Variants in GPHN observed in about 807,000 individuals in gnomAD.
GPHN encodes the protein gephyrin.
A neutral mutation model predicts 95.5 loss-of-function variants in GPHN; 17 were observed. That is an observed-to-expected ratio of 0.18 (90% CI 0.12 to 0.27). The LOEUF is 0.27. Ranked by LOEUF, GPHN falls within the 10% of genes least tolerant of loss-of-function variation. The pLI, the probability that GPHN is intolerant of heterozygous loss-of-function variation, is 1.00. For synonymous variants in GPHN, 320 were observed against 322.5 expected (o/e 0.99, Z 0.08); for missense variants, 660 against 978.1 (o/e 0.67, Z 4.34).
At chr14:67,642,082 GATT>G in the GPHN span, 1 of 1,116,968 alleles carries the variant, frequency 9.0e-7, no homozygotes, top group Non-Finnish European at 1.3e-6. Flanking sequence ...GTGACAAAAT[GATT>G]ATGATGTGTA....
chr14:66,728,450 G>A (rs6573716), intron 2 of GPHN, among the ~76,000 whole-genome samples: 47,269 of 152,076 alleles, frequency 0.31, 11,161 homozygotes, highest in African/African-American at 0.63. Flanking sequence ...CCAGCCCATG[G>A]CAGCAGCCAG....
At chr14:67,128,623 G>A (rs1045533610) in intron 17 of GPHN, among the ~76,000 whole-genome samples, 2 of 151,996 alleles carry the variant, frequency 1.3e-5, no homozygotes, top group Admixed American at 6.6e-5. Flanking sequence ...TGCATATGGG[G>A]TAGAAGTTAG....
the GPHN span, among the ~76,000 whole-genome samples, chr14:67,539,909 A>G: frequency 6.6e-6 from 1 of 152,252 alleles, no homozygotes; most frequent in Non-Finnish European, 1.5e-5. Flanking sequence ...CTCAATAAGC[A>G]ATAGCTACTT....
intron 5 of GPHN, among the ~76,000 whole-genome samples, chr14:66,888,022 A>G (rs2064288614): frequency 6.6e-6 from 1 of 152,318 alleles, no homozygotes; most frequent in East Asian, 1.9e-4. Flanking sequence ...ACTCTTGAGC[A>G]TGAGGATCTC....
At chr14:67,359,834 C>G in the GPHN span, 2 of 932,448 alleles carry the variant, frequency 2.1e-6, no homozygotes, top group East Asian at 2.6e-5. Context: ...TGCTAAGAGG[C>G]AGCAGGGACA....
chr14:66,837,450 G>T (rs1468884042), intron 4 of GPHN, among the ~76,000 whole-genome samples: 5 of 76,364 alleles, frequency 6.5e-5, no homozygotes, highest in South Asian at 1.2e-3. Flanking sequence ...GTTGTGGGGT[G>T]GGGGGAGGGG....
At chr14:67,204,523 G>A in the GPHN span, 1 of 1,609,026 alleles carries the variant, frequency 6.2e-7, no homozygotes, top group Non-Finnish European at 8.5e-7. Flanking sequence ...ATGTTACCGT[G>A]TGCTTGTTTG....
chr14:67,527,522 A>G, the GPHN span, among the ~76,000 whole-genome samples: 1 of 152,146 alleles, frequency 6.6e-6, no homozygotes, highest in Admixed American at 6.5e-5. Flanking sequence ...AAATGTTTCG[A>G]TTTTTAATTA....
At chr14:67,042,171 T>C (rs546335269) in intron 10 of GPHN, among the ~76,000 whole-genome samples, 1 of 152,252 alleles carries the variant, frequency 6.6e-6, no homozygotes, top group East Asian at 1.9e-4. Flanking sequence ...GGTTGCCTGT[T>C]CACTCTTTTT....
At chr14:66,708,830 C>G (rs188863950) in intron 2 of GPHN, among the ~76,000 whole-genome samples, 1 of 152,146 alleles carries the variant, frequency 6.6e-6, no homozygotes, top group African/African-American at 2.4e-5. Context: ...ACTAAACTTG[C>G]ATTTAGCAGC....
chr14:67,234,944 T>C, the GPHN span, among the ~76,000 whole-genome samples: 1 of 146,234 alleles, frequency 6.8e-6, no homozygotes, highest in Non-Finnish European at 1.5e-5. Context: ...TCACCTGAGG[T>C]CAGGAGCTGG....
rs1003673481 is a variant in GPHN at position 66,508,491 on chromosome 14, C to G, written c.-37C>G. 2 of 1,607,046 alleles carry G rather than the reference C, an allele frequency of 1.2e-6. No homozygotes were observed. Among genetic ancestry groups the G allele is most frequent in the African/African-American group, 2.7e-5 (2 of 74,802 alleles). The stretch of plus-strand genomic sequence containing the variant: ...CCGCGCGCTCCGGGCTCCGGTTTCT[C>G]CCGGCTCCTGTCAGTGCGGTGACTG... On this transcript the variant is annotated 5_prime_UTR_variant, in exon 1 of 23. Coordinates refer to ENST00000478722, the MANE Select transcript of GPHN (RefSeq NM_020806.5).
chr14:67,023,625 T>TA lies in GPHN; in HGVS notation c.964-8_964-7insA. On this transcript the variant is annotated splice_region_variant and splice_polypyrimidine_tract_variant and intron_variant, in intron 9 of 22. Coordinates refer to ENST00000478722, the MANE Select transcript of GPHN (RefSeq NM_020806.5). ...CCCTAAATTACTGAGTTTATGCTCT[T>TA]TCTACAGGTCCAGTCCAGGTGCAGC... 6.2e-7 allele frequency: 1 copy of TA among 1,612,618 alleles called. No individual in the cohort carries two copies.
chr14:67,670,888 T>C, the GPHN span, among the ~76,000 whole-genome samples: 1 of 151,958 alleles, frequency 6.6e-6, no homozygotes, highest in African/African-American at 2.4e-5. Context: ...GGCTGATACA[T>C]AATAATTCTC....
the GPHN span, chr14:67,642,126 C>G: frequency 6.6e-7 from 1 of 1,509,106 alleles, no homozygotes; most frequent in Non-Finnish European, 9.2e-7. Context: ...GTGGCCCAGG[C>G]TAGTTAAGAG....
intron 1 of GPHN, among the ~76,000 whole-genome samples, chr14:66,587,998 C>T (rs1012533606): frequency 1.3e-5 from 2 of 152,128 alleles, no homozygotes; most frequent in African/African-American, 4.8e-5. Flanking sequence ...CTCCGGGTGG[C>T]ATCTGCCAGG....
rs2062100077 is a variant in GPHN at position 66,841,828 on chromosome 14, G to T, written c.294+17262G>T. 1.3e-5 allele frequency among the ~76,000 whole-genome samples: 2 copies of T among 152,084 alleles called. 1 individual carries two copies. Among genetic ancestry groups the T allele is most frequent in the South Asian group, 4.2e-4 (2 of 4,818 alleles). Reference sequence around the variant, plus strand: ...GGTTGAGGTGGGTGGATCACATAAAGTCAGGAGTTCAAGACCAGCCTGGAC... The same window carrying T: ...GGTTGAGGTGGGTGGATCACATAAATTCAGGAGTTCAAGACCAGCCTGGAC... On this transcript the variant is annotated intron_variant, in intron 4 of 22. Coordinates refer to ENST00000478722, the MANE Select transcript of GPHN (RefSeq NM_020806.5).
intron 1 of GPHN, among the ~76,000 whole-genome samples, chr14:66,527,133 C>G (rs1247800472): frequency 6.6e-6 from 1 of 151,342 alleles, no homozygotes; most frequent in Non-Finnish European, 1.5e-5. Context: ...TAGGCTATTA[C>G]TGCCTCAATT....
At chr14:66,833,037 A>C (rs1250489230) in intron 4 of GPHN, among the ~76,000 whole-genome samples, 1 of 152,192 alleles carries the variant, frequency 6.6e-6, no homozygotes, top group Non-Finnish European at 1.5e-5. Flanking sequence ...ACATTATTTT[A>C]TTTCTTTCAG....
Sources: allele counts gnomAD v4.1 joint callset (sites outside exome capture counted in the v4.1 genomes callset), GRCh38; gene constraint gnomAD v4.1.1; transcripts MANE v1.5; gene names NCBI Gene and HGNC (gene_info 2026-07-23, HGNC 2026-07-21).